Variants in SRC observed in about 807,000 individuals in gnomAD.
The protein encoded by SRC is SRC proto-oncogene, non-receptor tyrosine kinase, also known as proto-oncogene tyrosine-protein kinase Src.
SRC carries 13 observed loss-of-function variants against 62.9 expected under a neutral mutation model. That is an observed-to-expected ratio of 0.21 (90% CI 0.13 to 0.33). The LOEUF is 0.33. Ranked by LOEUF, SRC falls within the 10% of genes least tolerant of loss-of-function variation. The probability of loss-of-function intolerance (pLI) is 1.00; values close to 1 mark genes in which losing one functional copy is unlikely to be tolerated. For missense variants in SRC, 457 were observed against 737.3 expected (o/e 0.62, Z 4.40); for synonymous variants, 302 against 317.5 (o/e 0.95, Z 0.52).
chr20:37,380,708 C>T (rs1195741528), intron 2 of SRC, among the ~76,000 whole-genome samples: 1 of 152,144 alleles, frequency 6.6e-6, no homozygotes, highest in Non-Finnish European at 1.5e-5. Context: ...CCTGCCTGGC[C>T]CTGACAGCCG....
chr20:37,368,703 C>A (rs1238390703), intron 2 of SRC, among the ~76,000 whole-genome samples: 4 of 150,536 alleles, frequency 2.7e-5, no homozygotes, highest in African/African-American at 9.7e-5. Flanking sequence ...CAGGCGCCCG[C>A]CACTACGCCC....
Position 37,396,052 on chromosome 20 carries a change from G to T in SRC, c.554-110G>T. 1 of 1,490,220 alleles carries T rather than the reference G, an allele frequency of 6.7e-7. No individual in the cohort carries two copies. Among genetic ancestry groups the T allele is most frequent in the South Asian group, 1.3e-5 (1 of 77,220 alleles). 92.3% of individuals were successfully genotyped at this position (1,490,220 alleles called of 1,614,324 possible). ...AGAGACAGGGTGGGCCTGGGGCCCC[G>T]CCTGGGCCTCCCTTCCCTCCAATGT... On this transcript the variant is annotated intron_variant, in intron 7 of 13. Transcript: ENST00000373578. This position sits in a 1 kb window ranked among gnomAD's most constrained non-coding sequence, Gnocchi z 6.1.
At chr20:37,371,463 CTT>C (rs921926826) in intron 2 of SRC, among the ~76,000 whole-genome samples, 5 of 152,008 alleles carry the variant, frequency 3.3e-5, no homozygotes, top group African/African-American at 1.2e-4. Flanking sequence ...TGAGTCTTCT[CTT>C]TTTTTCTTGT....
intron 4 of SRC, among the ~76,000 whole-genome samples, 178 bp from the exon 5 acceptor site, chr20:37,385,897 G>C (rs2070447978): frequency 6.6e-6 from 1 of 152,260 alleles, no homozygotes; most frequent in South Asian, 2.1e-4. Flanking sequence ...GGGATGCGCA[G>C]ATACACGGAT....
chr20:37,373,308 C>T (rs984854594), intron 2 of SRC, among the ~76,000 whole-genome samples: 7 of 151,338 alleles, frequency 4.6e-5, no homozygotes, highest in Non-Finnish European at 1.0e-4. Flanking sequence ...CACATGCACA[C>T]ATTACATATG....
intron 5 of SRC, among the ~76,000 whole-genome samples, chr20:37,389,895 C>A (rs1435929291): frequency 6.6e-6 from 1 of 152,156 alleles, no homozygotes; most frequent in Non-Finnish European, 1.5e-5. Context: ...CTGCTTGCTG[C>A]CCACCTGATG....
intron 1 of SRC, among the ~76,000 whole-genome samples, chr20:37,347,638 G>A (rs968240623): frequency 3.3e-5 from 5 of 152,192 alleles, no homozygotes; most frequent in African/African-American, 7.2e-5. Context: ...CTGGGTGACC[G>A]TAAGCAATTC....
Position 37,404,983 on chromosome 20 carries a change from A to G in SRC, c.*1604A>G, listed in dbSNP as rs2070805290. On this transcript the variant is annotated 3_prime_UTR_variant, in exon 14 of 14. Transcript: ENST00000373578. Reference sequence around the variant, plus strand: ...CCCCAAACATGTTGTACATTTCACCATGGCCCCCTCATCATAGCAATAACA... The same window carrying G: ...CCCCAAACATGTTGTACATTTCACCGTGGCCCCCTCATCATAGCAATAACA... 2 of 205,626 alleles carry G rather than the reference A, an allele frequency of 9.7e-6. No homozygotes were observed. The highest frequency in any genetic ancestry group is 4.7e-5 in the African/African-American group (2 of 42,786). 12.7% of individuals were successfully genotyped at this position (205,626 alleles called of 1,614,324 possible).
At chr20:37,392,359 C>T (rs950522746) in intron 5 of SRC, among the ~76,000 whole-genome samples, 9 of 152,212 alleles carry the variant, frequency 5.9e-5, no homozygotes, top group African/African-American at 2.2e-4. Flanking sequence ...CTGGCCTCAA[C>T]TTCTCCATCT....
Position 37,396,373 on chromosome 20 carries a change from G to A in SRC, c.703+62G>A. On this transcript the variant is annotated intron_variant, in intron 8 of 13. Transcript: ENST00000373578. The surrounding 1 kb of genome is among the most constrained non-coding windows in gnomAD (Gnocchi z 6.1). ...AAGCCTCAGCTGCAGACTCTGGGGA[G>A]GGGCCTTGGAGCCTAGAAGGGTGGG... 1 of 1,595,674 alleles carries A rather than the reference G, an allele frequency of 6.3e-7. No individual in the cohort carries two copies. The highest frequency in any genetic ancestry group is 2.2e-5 in the East Asian group (1 of 44,738).
intron 2 of SRC, among the ~76,000 whole-genome samples, chr20:37,374,601 G>A (rs1350793355): frequency 8.2e-6 from 1 of 121,550 alleles, no homozygotes; most frequent in Admixed American, 1.0e-4. Flanking sequence ...TTGAGACAGA[G>A]TCTTGCTCTG....
intron 2 of SRC, among the ~76,000 whole-genome samples, chr20:37,379,099 A>G (rs1228793455): frequency 3.3e-5 from 5 of 152,134 alleles, no homozygotes. Flanking sequence ...ACGCCGAGGG[A>G]AAAGTTCTTA....
chr20:37,401,814 C>T (rs541918919), intron 11 of SRC, 136 bp downstream of exon 11: 33 of 587,042 alleles, frequency 5.6e-5, no homozygotes, highest in South Asian at 5.4e-4. Flanking sequence ...CTGATCTTGC[C>T]GCACGTATTT....
intron 5 of SRC, chr20:37,386,489 C>A (rs1326309260): frequency 4.2e-6 from 3 of 714,730 alleles, no homozygotes; most frequent in Middle Eastern, 2.3e-4. Context: ...TGTGTACATG[C>A]TCCGTGGGCG....
chr20:37,376,030 AC>A (rs1012340904), intron 2 of SRC, among the ~76,000 whole-genome samples: 1 of 152,030 alleles, frequency 6.6e-6, no homozygotes, highest in African/African-American at 2.4e-5. Context: ...CCCAAGGCCC[AC>A]CTCCAAACAC....
Position 37,384,086 on chromosome 20 carries a change from G to A in SRC, c.-4-64G>A. ...TTCCCTATCTGTGGAATGGGTGGGA[G>A]GGAGGCCGGCCAAGGGGCCCCGGCA... On this transcript the variant is annotated intron_variant, in intron 3 of 13. Transcript: ENST00000373578. The surrounding 1 kb of genome is among the most constrained non-coding windows in gnomAD (Gnocchi z 6.7). 2 of 1,571,420 alleles carry A rather than the reference G, an allele frequency of 1.3e-6. No homozygotes were observed. The highest frequency in any genetic ancestry group is 1.7e-6 in the Non-Finnish European group (2 of 1,165,486).
intron 1 of SRC, 128 bp downstream of exon 1, chr20:37,346,383 C>A (rs1014866243): frequency 3.3e-5 from 5 of 151,340 alleles, no homozygotes; most frequent in African/African-American, 4.8e-5. Flanking sequence ...ATTCCCACCC[C>A]CCCTCCGGGC....
chr20:37,350,782 G>T (rs574759332), intron 1 of SRC, among the ~76,000 whole-genome samples: 4 of 152,214 alleles, frequency 2.6e-5, no homozygotes, highest in Non-Finnish European at 5.9e-5. Context: ...CCCTGGCCTA[G>T]AGTGCTGTGT....
At position 37,384,925 on chromosome 20, in the gene SRC, C is replaced by G. The variant is rs1048441499; in HGVS notation, c.250+522C>G. Among the ~76,000 whole-genome samples, 9 of 152,192 alleles carry G rather than the reference C, an allele frequency of 5.9e-5. No homozygotes were observed. On this transcript the variant is annotated intron_variant, in intron 4 of 13. Transcript: ENST00000373578. The surrounding 1 kb of genome is among the most constrained non-coding windows in gnomAD (Gnocchi z 6.7). ...GTTTTGGAGAGCCGCGGCGGTGCCC[C>G]AGACACTCCACGCAGACTTCACTCC...
Sources: allele counts gnomAD v4.1 joint callset (sites outside exome capture counted in the v4.1 genomes callset), GRCh38; gene constraint gnomAD v4.1.1; non-coding constraint Gnocchi (gnomAD v3.1); transcripts MANE v1.5; gene names NCBI Gene and HGNC (gene_info 2026-07-23, HGNC 2026-07-21).